Variants in SCLT1 observed in about 807,000 individuals in gnomAD.
SCLT1 encodes the protein sodium channel-associated protein 1.
In SCLT1, 78 loss-of-function variants were observed where a neutral mutation model predicts 112.8. The observed-to-expected ratio is 0.69, with a 90% CI of 0.58 to 0.83. SCLT1 has a LOEUF of 0.83. SCLT1 is among the 40% of genes least tolerant of loss of function. SCLT1 has a pLI of 0.00. For synonymous variants in SCLT1, 257 were observed against 254.7 expected, an observed-to-expected ratio of 1.01 and a Z score of -0.09; for missense variants, 747 against 770.4, an observed-to-expected ratio of 0.97 and a Z score of 0.36.
intron 2 of SCLT1, among the ~76,000 whole-genome samples, chr4:129,065,811 C>G (rs976885057): frequency 2.6e-5 from 4 of 152,036 alleles, no homozygotes; most frequent in African/African-American, 4.8e-5. Flanking sequence ...AGTGTGAATT[C>G]TAAATTAGCA....
intron 2 of SCLT1, among the ~76,000 whole-genome samples, chr4:129,065,533 T>C (rs1285790752): frequency 6.6e-6 from 1 of 152,076 alleles, no homozygotes; most frequent in Non-Finnish European, 1.5e-5. Flanking sequence ...CCTGTTGCTG[T>C]AGCACAAATG....
intron 5 of SCLT1, among the ~76,000 whole-genome samples, chr4:129,019,297 T>C (rs977973437): frequency 6.6e-5 from 10 of 152,232 alleles, no homozygotes; most frequent in Non-Finnish European, 8.8e-5. Context: ...TTTGATCTTT[T>C]AGGTGACAAA....
intron 4 of SCLT1, chr4:129,040,048 G>T: frequency 1.6e-6 from 1 of 628,536 alleles, no homozygotes; most frequent in Non-Finnish European, 2.9e-6. Context: ...AGCTTATCCT[G>T]GAGTACACTT....
At chr4:128,989,278 C>G (rs2126064754) in intron 9 of SCLT1, among the ~76,000 whole-genome samples, 1 of 151,954 alleles carries the variant, frequency 6.6e-6, no homozygotes, top group East Asian at 1.9e-4. Context: ...TATAAAGTAT[C>G]TTTTCTGACT....
chr4:128,936,571 A>T (rs1463663673), intron 18 of SCLT1, 84 bp downstream of exon 18: 2 of 754,452 alleles, frequency 2.7e-6, no homozygotes, highest in Non-Finnish European at 4.1e-6. Context: ...TACATTTTTT[A>T]AAAAAGATTA....
At chr4:128,964,270 G>A (rs1175527398) in intron 11 of SCLT1, among the ~76,000 whole-genome samples, 1 of 152,258 alleles carries the variant, frequency 6.6e-6, no homozygotes, top group East Asian at 1.9e-4. Flanking sequence ...ACATCCTGTA[G>A]TTATTGGCAC....
At chr4:128,937,154 T>G (rs1737264076) in intron 17 of SCLT1, among the ~76,000 whole-genome samples, 1 of 151,918 alleles carries the variant, frequency 6.6e-6, no homozygotes, top group African/African-American at 2.4e-5. Context: ...GGCACACGCC[T>G]GTAATCCCAG....
intron 2 of SCLT1, among the ~76,000 whole-genome samples, chr4:129,060,605 A>T (rs1034833932): frequency 2.0e-5 from 3 of 152,212 alleles, no homozygotes; most frequent in Non-Finnish European, 2.9e-5. Flanking sequence ...TAATGTCAGC[A>T]GTAACTGTGG....
intron 5 of SCLT1, among the ~76,000 whole-genome samples, chr4:129,022,875 A>C (rs1745619592): frequency 6.6e-6 from 1 of 152,202 alleles, no homozygotes; most frequent in African/African-American, 2.4e-5. Flanking sequence ...TGAAGGAAAA[A>C]ATGTTAAGGG....
chr4:129,018,853 C>T (rs760637911), intron 5 of SCLT1, among the ~76,000 whole-genome samples: 5 of 152,116 alleles, frequency 3.3e-5, no homozygotes, highest in Non-Finnish European at 5.9e-5. Context: ...ATGCCAGGTA[C>T]AACACGAGTA....
chr4:128,919,710 G>T (rs1402711800), intron 18 of SCLT1, among the ~76,000 whole-genome samples: 1 of 150,480 alleles, frequency 6.6e-6, no homozygotes, highest in Non-Finnish European at 1.5e-5. Context: ...AATGACAAGG[G>T]GATATTACTA....
chr4:129,084,853 C>G (rs1035211403), intron 1 of SCLT1, among the ~76,000 whole-genome samples: 20 of 152,142 alleles, frequency 1.3e-4, no homozygotes, highest in African/African-American at 4.8e-4. Context: ...CTTGCTTACA[C>G]AATATATAAA....
At chr4:128,987,335 T>C (rs1742187304) in intron 9 of SCLT1, among the ~76,000 whole-genome samples, 2 of 152,114 alleles carry the variant, frequency 1.3e-5, no homozygotes, top group Admixed American at 6.5e-5. Flanking sequence ...ACATGACTTA[T>C]CAGATGAACT....
intron 2 of SCLT1, among the ~76,000 whole-genome samples, chr4:129,066,537 T>C (rs1256300079): frequency 1.3e-5 from 2 of 151,964 alleles, no homozygotes; most frequent in Non-Finnish European, 2.9e-5. Flanking sequence ...CAATTTTAGG[T>C]AGACATACTA....
chr4:129,022,663 C>A (rs1002845675), intron 5 of SCLT1, among the ~76,000 whole-genome samples: 2 of 152,160 alleles, frequency 1.3e-5, no homozygotes, highest in Admixed American at 6.5e-5. Flanking sequence ...ACCAAACCTA[C>A]GACTGACTGG....
At chr4:129,023,377 T>C (rs1205785462) in intron 5 of SCLT1, among the ~76,000 whole-genome samples, 3 of 152,066 alleles carry the variant, frequency 2.0e-5, no homozygotes, top group African/African-American at 7.2e-5. Context: ...TCAAGACCCA[T>C]TGGTGTGCTG....
intron 15 of SCLT1, 114 bp from the exon 16 acceptor site, chr4:128,946,266 T>C: frequency 1.6e-6 from 1 of 612,374 alleles, no homozygotes. Context: ...TGTTCATTTG[T>C]TCTGACCGTA....
intron 11 of SCLT1, among the ~76,000 whole-genome samples, chr4:128,962,285 TA>T (rs1487490551): frequency 6.6e-6 from 1 of 152,228 alleles, no homozygotes; most frequent in East Asian, 1.9e-4. Context: ...ATGCTTACAT[TA>T]AGAGGGTTTT....
chr4:128,927,740 C>CATGAAAGAAACATGAAAG (rs369913914), intron 18 of SCLT1, among the ~76,000 whole-genome samples: 40 of 151,196 alleles, frequency 2.6e-4, no homozygotes, highest in African/African-American at 9.0e-4. Flanking sequence ...AAAAGAACAG[C>CATGAAAGAAACATGAAAG]AACATGAAAG....
Sources: allele counts gnomAD v4.1 joint callset (sites outside exome capture counted in the v4.1 genomes callset), GRCh38; gene constraint gnomAD v4.1.1; transcripts MANE v1.5; gene names NCBI Gene and HGNC (gene_info 2026-07-23, HGNC 2026-07-21).